UTP6: variants seen among roughly 807,000 people sequenced by gnomAD.
The protein encoded by UTP6 is UTP6 small subunit processome component.
UTP6 carries 60 observed loss-of-function variants against 96.5 expected under a neutral mutation model. The observed-to-expected ratio is 0.62, with a 90% CI of 0.51 to 0.77. The LOEUF (loss-of-function observed/expected upper bound fraction) is 0.77, where lower values mean the gene tolerates loss of function less well. Among genes scored for constraint, UTP6 ranks in the 30% least tolerant of loss-of-function variants. The pLI is 0.00. For synonymous variants in UTP6, 215 were observed against 240.1 expected (o/e 0.90, Z 0.96); for missense variants, 637 against 706.5 (o/e 0.90, Z 1.12).
chr17:31,879,660 G>T (rs560596508), intron 11 of UTP6, among the ~76,000 whole-genome samples: 10 of 151,384 alleles, frequency 6.6e-5, no homozygotes, highest in African/African-American at 2.2e-4. Flanking sequence ...TGACACAGCA[G>T]GATCCTGTCT....
intron 4 of UTP6, 32 bp from the exon 5 acceptor site, chr17:31,892,826 A>C: frequency 6.2e-7 from 1 of 1,613,634 alleles, no homozygotes; most frequent in South Asian, 1.1e-5. Context: ...AAGCTGCCCA[A>C]ATTTGACCTT....
At chr17:31,890,431 C>T (rs1567790623) in intron 6 of UTP6, among the ~76,000 whole-genome samples, 1 of 151,470 alleles carries the variant, frequency 6.6e-6, no homozygotes, top group East Asian at 2.0e-4. Flanking sequence ...GCCTGGCCAA[C>T]ATGGTGAATC....
rs869110895 is a variant in UTP6 at position 31,866,286 on chromosome 17, CAAAAAAAAAAA to C, written c.1564-859_1564-849del. Reference sequence around the variant, plus strand: ...TGGGCGACAGAGCGAGACTCTGTCTCAAAAAAAAAAAAAAAAAAAAGTATTCTTGCCGGGTG... The same window carrying C: ...TGGGCGACAGAGCGAGACTCTGTCTCAAAAAAAAAGTATTCTTGCCGGGTG... On this transcript the variant is annotated intron_variant, in intron 17 of 18. Transcript: ENST00000261708. Among the ~76,000 whole-genome samples, 13 of 58,076 alleles carry C rather than the reference CAAAAAAAAAAA, an allele frequency of 2.2e-4. No homozygotes were observed. In the East Asian group the frequency reaches 5.8e-3, roughly 26 times the overall value. The allele number at this position is 58,076 out of a possible 152,430, so 38.1% of individuals were successfully genotyped here.
rs774951422 is a variant in UTP6 at position 31,863,470 on chromosome 17, A to AC, written c.1682dup (p.Arg562Ter). 1.2e-6 allele frequency: 2 copies of AC among 1,613,578 alleles called. No homozygotes were observed. The highest frequency in any genetic ancestry group is 2.7e-5 in the African/African-American group (2 of 74,884). ...AGATCTGTCCACAGTTCTCAGGTCT[A>AC]CCAAGGGGGTGGTTCAATTCTTCTT... On this transcript the variant is annotated frameshift_variant, in exon 19 of 19. Coordinates refer to ENST00000261708, the MANE Select transcript of UTP6 (RefSeq NM_018428.3). LOFTEE classifies it high-confidence loss of function.
At position 31,875,248 on chromosome 17, in the gene UTP6, G is replaced by A; in HGVS notation, c.1291C>T (p.His431Tyr). ...AGCTCACTGACCTGGGGTTTCAGGT[G>A]CACAAAGGCTTCTTCAAAAAGCATG... ...IAMLFEEAFVHLKPQVCLPLW... is the reference protein window; with the variant it reads ...IAMLFEEAFVYLKPQVCLPLW... Residue 431 changes from histidine (H) to tyrosine (Y), a missense_variant, in exon 14 of 19, where the codon CAC becomes TAC. Coordinates refer to ENST00000261708, the MANE Select transcript of UTP6 (RefSeq NM_018428.3). The A allele has an allele frequency of 6.2e-7, 1 of 1,614,008 alleles. No homozygotes were observed. Among genetic ancestry groups the A allele is most frequent in the Non-Finnish European group, 8.5e-7 (1 of 1,179,972 alleles).
intron 16 of UTP6, among the ~76,000 whole-genome samples, chr17:31,870,678 C>G (rs1471582261): frequency 6.6e-6 from 1 of 151,828 alleles, no homozygotes; most frequent in Non-Finnish European, 1.5e-5. Flanking sequence ...CCCGCCACCA[C>G]ATCTGACTAA....
chr17:31,873,192 T>G (rs1316305017), intron 16 of UTP6, 186 bp downstream of exon 16: 1 of 515,064 alleles, frequency 1.9e-6, no homozygotes, highest in African/African-American at 2.0e-5. Flanking sequence ...AGGCGGAGAT[T>G]GCAGTGAGCA....
chr17:31,879,034 A>G (rs561432539), intron 11 of UTP6, among the ~76,000 whole-genome samples: 1 of 152,316 alleles, frequency 6.6e-6, no homozygotes, highest in African/African-American at 2.4e-5. Flanking sequence ...AGCCTTATCC[A>G]GGTTATATAT....
At chr17:31,891,970 C>A (rs1904344342) in intron 6 of UTP6, among the ~76,000 whole-genome samples, 1 of 152,164 alleles carries the variant, frequency 6.6e-6, no homozygotes, top group Non-Finnish European at 1.5e-5. Flanking sequence ...TTGCAGTGAG[C>A]CAAGATCACA....
Position 31,895,089 on chromosome 17 carries a change from T to G in UTP6, c.178-78A>C, listed in dbSNP as rs996439902. On this transcript the variant is annotated intron_variant, in intron 2 of 18. Coordinates refer to ENST00000261708, the MANE Select transcript of UTP6 (RefSeq NM_018428.3). ...TTAAATACTGGAAATTTAGTTAAAGTCATAAAACAAAAATCGAGAATATAA... is the reference window on the plus strand; with the variant it reads ...TTAAATACTGGAAATTTAGTTAAAGGCATAAAACAAAAATCGAGAATATAA... 3.6e-6 allele frequency: 4 copies of G among 1,097,986 alleles called. No individual in the cohort carries two copies. In the African/African-American group the frequency reaches 6.4e-5, roughly 18 times the overall value. 68.0% of individuals were successfully genotyped at this position (1,097,986 alleles called of 1,614,324 possible). A position where few individuals can be genotyped will look rare whatever the true frequency, so the allele number is the denominator to read the frequency against.
intron 11 of UTP6, chr17:31,880,282 A>G (rs368125826): frequency 1.8e-4 from 65 of 358,440 alleles, no homozygotes; most frequent in African/African-American, 1.3e-3. Context: ...TTAGCTGGGC[A>G]TGGTGGCGGG....
chr17:31,874,865 G>A (rs1315492760), intron 14 of UTP6, among the ~76,000 whole-genome samples: 1 of 149,112 alleles, frequency 6.7e-6, no homozygotes, highest in Non-Finnish European at 1.5e-5. Context: ...CCGGGAGGCA[G>A]AGATTGCAGT....
Position 31,863,347 on chromosome 17 carries a change from T to C in UTP6, c.*12A>G. 6.2e-7 allele frequency: 1 copy of C among 1,612,280 alleles called. No homozygotes were observed. ...CAATACTATTTCACAAAGCTGACTG[T>C]ATTCTTCATCTTCATAAATGGCCAG... On this transcript the variant is annotated 3_prime_UTR_variant, in exon 19 of 19. Coordinates refer to ENST00000261708, the MANE Select transcript of UTP6 (RefSeq NM_018428.3).
At chr17:31,880,218 G>A (rs1408927809) in intron 11 of UTP6, 4 of 244,872 alleles carry the variant, frequency 1.6e-5, no homozygotes, top group East Asian at 9.2e-5. Flanking sequence ...TCAGGAGTTC[G>A]AGACCAGTCT....
intron 2 of UTP6, among the ~76,000 whole-genome samples, chr17:31,895,695 G>C (rs550729168): frequency 6.6e-6 from 1 of 151,926 alleles, no homozygotes; most frequent in East Asian, 2.0e-4. Context: ...CACCATGCCC[G>C]GCTAATTTTT....
chr17:31,894,268 CAAAAAAAAAAAAAAAAGA>C (rs1383560165), intron 4 of UTP6, among the ~76,000 whole-genome samples: 2 of 63,010 alleles, frequency 3.2e-5, no homozygotes, highest in African/African-American at 5.7e-5. Context: ...GACCTTATCT[CAAAAAAAAAAAAAAAAGA>C]AAAAAAAAAA....
intron 4 of UTP6, among the ~76,000 whole-genome samples, chr17:31,893,985 T>C (rs1904483667): frequency 6.6e-6 from 1 of 151,796 alleles, no homozygotes; most frequent in African/African-American, 2.4e-5. Flanking sequence ...ACTTCTCATA[T>C]AATATACCCA....
Position 31,878,759 on chromosome 17 carries a change from G to T in UTP6, c.990C>A (p.Ile330=). 1 of 1,614,120 alleles carries T rather than the reference G, an allele frequency of 6.2e-7. No homozygotes were observed. Residue 330 remains isoleucine, a synonymous_variant, in exon 12 of 19, where the codon ATC becomes ATA. Transcript: ENST00000261708. ...TAGTAAATCTTTCCAAGCAAAAGGT[G>T]ATGTAACACTTCCACATGGCCTCTG... is the stretch of plus-strand genomic sequence containing the variant. The part of the protein sequence containing the change: ...LPTEAMWKCY[I]TFCLERFTKK...
chr17:31,885,172 T>C (rs1230017910), intron 9 of UTP6: 1 of 152,160 alleles, frequency 6.6e-6, no homozygotes, highest in Non-Finnish European at 1.5e-5. Flanking sequence ...GACATTTTTA[T>C]TTTTTTGAGA....
Sources: gnomAD v4.1 joint callset for allele counts (sites outside exome capture counted in the v4.1 genomes callset) on GRCh38, gnomAD v4.1.1 for gene constraint, MANE v1.5 for transcripts, NCBI Gene and HGNC (gene_info 2026-07-23, HGNC 2026-07-21) for gene names.